SDK1: variants seen among roughly 807,000 people sequenced by gnomAD.
SDK1 encodes the protein protein sidekick-1.
In SDK1, 157 loss-of-function variants were observed where a neutral mutation model predicts 245.5. The ratio of observed to expected loss-of-function variants is 0.64; its 90% CI spans 0.56 to 0.73. SDK1 has a LOEUF of 0.73. SDK1 is among the 30% of genes least tolerant of loss of function. The pLI, the probability that SDK1 is intolerant of heterozygous loss-of-function variation, is 0.00. For missense variants in SDK1, 3,583 were observed against 3,002.3 expected (o/e 1.19, Z -4.52); for synonymous variants, 1,647 against 1,278.5 (o/e 1.29, Z -6.15).
At chr7:3,520,752 T>A (rs1782912327) in intron 1 of SDK1, among the ~76,000 whole-genome samples, 1 of 152,226 alleles carries the variant, frequency 6.6e-6, no homozygotes, top group Non-Finnish European at 1.5e-5. Flanking sequence ...TACCAGCATT[T>A]AAAGAACCAG....
At chr7:3,713,817 C>T (rs1191328201) in intron 4 of SDK1, among the ~76,000 whole-genome samples, 1 of 152,136 alleles carries the variant, frequency 6.6e-6, no homozygotes, top group Non-Finnish European at 1.5e-5. Flanking sequence ...GTATTATAGT[C>T]ACAGCCCCTC....
At chr7:4,102,618 G>C (rs557437947) in intron 22 of SDK1, among the ~76,000 whole-genome samples, 1 of 152,118 alleles carries the variant, frequency 6.6e-6, no homozygotes, top group African/African-American at 2.4e-5. Context: ...CCTGGCCTCC[G>C]GAGTGCTGAG....
At chr7:3,354,646 C>G (rs933862824) in intron 1 of SDK1, among the ~76,000 whole-genome samples, 1 of 152,098 alleles carries the variant, frequency 6.6e-6, no homozygotes, top group Admixed American at 6.5e-5. Flanking sequence ...TATTAAATCA[C>G]AGAAGTTAAT....
intron 1 of SDK1, among the ~76,000 whole-genome samples, chr7:3,617,588 G>T (rs1291597241): frequency 6.6e-6 from 1 of 152,180 alleles, no homozygotes; most frequent in African/African-American, 2.4e-5. Context: ...TCTAGAGGCT[G>T]GACAGTTCAA....
intron 22 of SDK1, among the ~76,000 whole-genome samples, chr7:4,091,665 A>G (rs923719541): frequency 1.3e-5 from 2 of 152,096 alleles, no homozygotes; most frequent in African/African-American, 4.8e-5. Flanking sequence ...GCTTTTAACA[A>G]TGATGAATGA....
Position 3,987,222 on chromosome 7 carries a change from C to A in SDK1, c.2031C>A (p.Ser677Arg), listed in dbSNP as rs770971679. 7 of 1,614,022 alleles carry A rather than the reference C, an allele frequency of 4.3e-6. No individual in the cohort carries two copies. Among genetic ancestry groups the A allele is most frequent in the Non-Finnish European group, 5.9e-6 (7 of 1,180,000 alleles). ...LPHSPQNLLV[S>R]PNSSHSHAVV... ...ATTCACCTCAGAACCTCCTGGTCAG[C>A]CCTAATTCTTCCCACAGCCACGCCG... The change falls in exon 14 of 45, where the codon AGC becomes AGA. Residue 677 changes from serine (S) to arginine (R), a missense_variant. Coordinates refer to ENST00000404826, the MANE Select transcript of SDK1 (RefSeq NM_152744.4).
intron 1 of SDK1, among the ~76,000 whole-genome samples, chr7:3,412,707 T>G (rs1279292111): frequency 6.6e-6 from 1 of 152,124 alleles, no homozygotes; most frequent in Non-Finnish European, 1.5e-5. Flanking sequence ...TCTCCATAGG[T>G]TGCGAGTGTA....
At chr7:3,871,346 A>G (rs372853952) in intron 5 of SDK1, among the ~76,000 whole-genome samples, 51 of 152,326 alleles carry the variant, frequency 3.3e-4, no homozygotes, top group Admixed American at 8.5e-4. Context: ...TACATAGACA[A>G]TCACTTCATC....
rs375937536 is a variant in SDK1 at position 4,221,321 on chromosome 7, C to A, written c.5784C>A (p.Gly1928=). The change falls in exon 40 of 45, where the codon GGC becomes GGA. Residue 1928 remains glycine (G), a synonymous_variant. Transcript: ENST00000404826. The part of the protein sequence containing the change: ...LTLQWTEGHS[G]DTPTTGYVIE... ...TGCAGTGGACTGAGGGACACTCTGGCGACACACCTACCACGGGCTATGTGA... is the reference window on the plus strand; with the variant it reads ...TGCAGTGGACTGAGGGACACTCTGGAGACACACCTACCACGGGCTATGTGA... The A allele has an allele frequency of 1.2e-6, 2 of 1,613,066 alleles. No individual in the cohort carries two copies. The highest frequency in any genetic ancestry group is 2.2e-5 in the East Asian group (1 of 44,822).
chr7:3,697,203 A>G (rs1784600670), intron 4 of SDK1, among the ~76,000 whole-genome samples: 1 of 152,212 alleles, frequency 6.6e-6, no homozygotes, highest in Non-Finnish European at 1.5e-5. Flanking sequence ...AACAATGATA[A>G]TGATTCTGTG....
chr7:3,697,344 C>A (rs1234691044), intron 4 of SDK1, among the ~76,000 whole-genome samples: 1 of 152,192 alleles, frequency 6.6e-6, no homozygotes, highest in Non-Finnish European at 1.5e-5. Flanking sequence ...GGGTGTCAGT[C>A]ACTGATTTGG....
chr7:4,153,669 A>AGTGCTT (rs1330468627), intron 30 of SDK1, among the ~76,000 whole-genome samples: 1 of 152,026 alleles, frequency 6.6e-6, no homozygotes, highest in African/African-American at 2.4e-5. Flanking sequence ...GTGAGGTCTA[A>AGTGCTT]GTGTTTGTGT....
intron 1 of SDK1, among the ~76,000 whole-genome samples, chr7:3,365,715 C>T (rs1183546262): frequency 2.0e-5 from 3 of 152,112 alleles, no homozygotes; most frequent in Admixed American, 2.0e-4. Context: ...AGAGACAGAA[C>T]ACTGACTTTA....
intron 35 of SDK1, among the ~76,000 whole-genome samples, chr7:4,189,742 A>T (rs2128222202): frequency 2.0e-5 from 3 of 152,318 alleles, no homozygotes; most frequent in Middle Eastern, 6.8e-3. Flanking sequence ...GTGAGCCGAG[A>T]TTGTGCCACT....
At chr7:3,649,668 C>G (rs1198698572) in intron 4 of SDK1, among the ~76,000 whole-genome samples, 2 of 152,008 alleles carry the variant, frequency 1.3e-5, no homozygotes, top group Non-Finnish European at 2.9e-5. Flanking sequence ...CACGGCAGCC[C>G]AGCGGTTTAG....
At chr7:3,949,863 G>A (rs1468071153) in intron 5 of SDK1, among the ~76,000 whole-genome samples, 1 of 152,184 alleles carries the variant, frequency 6.6e-6, no homozygotes, top group East Asian at 1.9e-4. Context: ...TGAAACTGCA[G>A]TAACAGAACT....
At chr7:4,162,965 T>C (rs1781253318) in intron 32 of SDK1, among the ~76,000 whole-genome samples, 1 of 152,044 alleles carries the variant, frequency 6.6e-6, no homozygotes, top group African/African-American at 2.4e-5. Flanking sequence ...CGGGGAGCTG[T>C]GCGGAGGACT....
rs148736200 is a variant in SDK1, at chr7:3,791,252, G to T, written c.714-30198G>T. The stretch of plus-strand genomic sequence containing the variant: ...AAGAGGAGTGTAACCTAGCAACATT[G>T]TGCTGGACTAGATGAATCCGCCTCG... On this transcript the variant is annotated intron_variant, in intron 4 of 44. Transcript: ENST00000404826. Among the ~76,000 whole-genome samples, 38 of 152,248 alleles carry T rather than the reference G, an allele frequency of 2.5e-4. No homozygotes were observed. In the East Asian group the frequency reaches 7.1e-3, roughly 29 times the overall value.
intron 4 of SDK1, among the ~76,000 whole-genome samples, chr7:3,795,333 C>T (rs1008031334): frequency 1.3e-4 from 20 of 152,152 alleles, no homozygotes; most frequent in African/African-American, 4.6e-4. Flanking sequence ...GCAGGCCCCA[C>T]GAGACTTGGC....
Sources: gnomAD v4.1 joint callset for allele counts (sites outside exome capture counted in the v4.1 genomes callset) on GRCh38, gnomAD v4.1.1 for gene constraint, MANE v1.5 for transcripts, NCBI Gene and HGNC (gene_info 2026-07-23, HGNC 2026-07-21) for gene names.